Variants in ZNF438 observed in about 807,000 individuals in gnomAD.
ZNF438 encodes zinc finger protein 438.
In ZNF438, 25 loss-of-function variants were observed where a neutral mutation model predicts 38.0. That is an observed-to-expected ratio of 0.66 (90% CI 0.48 to 0.92). The LOEUF (loss-of-function observed/expected upper bound fraction) is 0.92, where lower values mean the gene tolerates loss of function less well. ZNF438 is among the 40% of genes least tolerant of loss of function. ZNF438 has a pLI of 0.00. For missense variants in ZNF438, 1,007 were observed against 999.6 expected, an observed-to-expected ratio of 1.01 and a Z score of -0.10; for synonymous variants, 372 against 364.1, an observed-to-expected ratio of 1.02 and a Z score of -0.25.
intron 1 of ZNF438, among the ~76,000 whole-genome samples, chr10:30,975,801 C>G (rs1219841372): frequency 6.6e-6 from 1 of 152,026 alleles, no homozygotes; most frequent in Non-Finnish European, 1.5e-5. Context: ...TTGATAAATA[C>G]TTGAAAAAGT....
chr10:30,859,217 G>A (rs2035177196), intron 4 of ZNF438, among the ~76,000 whole-genome samples: 1 of 152,104 alleles, frequency 6.6e-6, no homozygotes, highest in Non-Finnish European at 1.5e-5. Context: ...AAGTAGCTGG[G>A]ACTACAGGCG....
rs570496223 is a variant in ZNF438 at position 31,010,203 on chromosome 10, A to T, written c.-192+21630T>A. On this transcript the variant is annotated intron_variant, in intron 1 of 5. Coordinates refer to ENST00000413025, the Ensembl canonical transcript of ZNF438. The stretch of plus-strand genomic sequence containing the variant: ...TACTTTAATGACATTTTTCAAAATT[A>T]AACATGGCTAAAAGAAAAAATACTT... Among the ~76,000 whole-genome samples, 55 of 152,342 alleles carry T rather than the reference A, an allele frequency of 3.6e-4. No homozygotes were observed. The Middle Eastern group carries it at 0.01, about 28-fold the overall frequency.
chr10:30,918,890 T>C (rs1194446787), intron 2 of ZNF438: 1 of 152,220 alleles, frequency 6.6e-6, no homozygotes, highest in East Asian at 1.9e-4. Context: ...TTTTGCTACC[T>C]AACTACTCCA....
chr10:30,909,473 C>T (rs1038288196), intron 2 of ZNF438, among the ~76,000 whole-genome samples: 35 of 152,120 alleles, frequency 2.3e-4, no homozygotes, highest in Non-Finnish European at 4.3e-4. Flanking sequence ...TGAGATTTTA[C>T]CTTCTAAAAT....
exon 6 of ZNF438, chr10:30,844,871 T>G (rs2031503871): frequency 1.4e-6 from 2 of 1,467,638 alleles, no homozygotes; most frequent in South Asian, 1.4e-5. Context: ...TGTTGTTTGA[T>G]CTTTGTGACT....
rs544034734 is a variant in ZNF438 at position 30,972,228 on chromosome 10, C to G, written c.-191-30577G>C. 3.9e-5 allele frequency among the ~76,000 whole-genome samples: 6 copies of G among 152,304 alleles called. No individual in the cohort carries two copies. The East Asian group carries it at 1.2e-3, about 29-fold the overall frequency. On this transcript the variant is annotated intron_variant, in intron 1 of 5. Transcript: ENST00000413025. The stretch of plus-strand genomic sequence containing the variant: ...TCGTGATCCACCTGCCTCGGCCTCC[C>G]AAAGTGCTGGGATTACAAGCGTGAG...
chr10:30,983,005 C>T (rs1319590338), intron 1 of ZNF438, among the ~76,000 whole-genome samples: 1 of 152,172 alleles, frequency 6.6e-6, no homozygotes, highest in Non-Finnish European at 1.5e-5. Flanking sequence ...CTGAACAAAA[C>T]TACACTAACA....
intron 1 of ZNF438, among the ~76,000 whole-genome samples, chr10:30,991,500 A>G (rs1333979965): frequency 6.6e-6 from 1 of 152,200 alleles, no homozygotes; most frequent in African/African-American, 2.4e-5. Flanking sequence ...CATGCTCCCA[A>G]CACCCTTTTA....
intron 1 of ZNF438, among the ~76,000 whole-genome samples, chr10:30,980,907 C>CA (rs1296804371): frequency 1.3e-5 from 2 of 152,216 alleles, no homozygotes; most frequent in Non-Finnish European, 2.9e-5. Context: ...TAATCCTCTT[C>CA]AAAAACCACT....
intron 1 of ZNF438, among the ~76,000 whole-genome samples, chr10:31,013,648 C>CATTA (rs1452120506): frequency 6.6e-6 from 1 of 152,106 alleles, no homozygotes; most frequent in Non-Finnish European, 1.5e-5. Context: ...AGAAACTTCC[C>CATTA]GCTCAAAGCT....
chr10:30,996,077 A>T (rs1199162984), intron 1 of ZNF438, among the ~76,000 whole-genome samples: 4 of 152,194 alleles, frequency 2.6e-5, no homozygotes, highest in Non-Finnish European at 4.4e-5. Flanking sequence ...ACCCTGGAGC[A>T]ACCACTAAGA....
chr10:30,979,270 G>T (rs1280199542), intron 1 of ZNF438, among the ~76,000 whole-genome samples: 1 of 152,204 alleles, frequency 6.6e-6, no homozygotes, highest in African/African-American at 2.4e-5. Context: ...GGAACAAAAA[G>T]TAATTTCAGT....
intron 3 of ZNF438, among the ~76,000 whole-genome samples, chr10:30,888,336 ATAT>A (rs1302315472): frequency 6.6e-5 from 3 of 45,434 alleles, no homozygotes; most frequent in African/African-American, 2.7e-4. Context: ...TAGTTATATA[ATAT>A]TATAAACACA....
exon 6 of ZNF438, chr10:30,845,446 C>T: frequency 6.2e-7 from 1 of 1,614,090 alleles, no homozygotes; most frequent in South Asian, 1.1e-5. Context: ...CCATGAACAT[C>T]AAGTAAATGA....
intron 1 of ZNF438, among the ~76,000 whole-genome samples, chr10:30,955,613 T>C (rs2048778937): frequency 6.6e-6 from 1 of 152,160 alleles, no homozygotes; most frequent in Non-Finnish European, 1.5e-5. Flanking sequence ...TCTTGAATCC[T>C]CCAGAGAATT....
Position 30,845,590 on chromosome 10 carries a change from T to C in ZNF438, c.1875-17A>G. The C allele has an allele frequency of 1.3e-6, 2 of 1,593,918 alleles. No individual in the cohort carries two copies. The highest frequency in any genetic ancestry group is 1.8e-5 in the Admixed American group (1 of 56,854). ...TTGTTTTCCCTGAAAAGGCCAATAATAATGAAGATAAGATTTCATGGAAAA... is the reference window on the plus strand; with the variant it reads ...TTGTTTTCCCTGAAAAGGCCAATAACAATGAAGATAAGATTTCATGGAAAA... On this transcript the variant is annotated splice_polypyrimidine_tract_variant and intron_variant, in intron 5 of 5. Coordinates refer to ENST00000413025, the Ensembl canonical transcript of ZNF438.
At chr10:30,968,167 T>C (rs1414142300) in intron 1 of ZNF438, among the ~76,000 whole-genome samples, 2 of 152,094 alleles carry the variant, frequency 1.3e-5, no homozygotes, top group Non-Finnish European at 2.9e-5. Flanking sequence ...CCAAAGACAC[T>C]TGAAGGATCA....
intron 1 of ZNF438, among the ~76,000 whole-genome samples, chr10:30,952,116 T>A (rs2048282104): frequency 6.6e-6 from 1 of 151,494 alleles, no homozygotes; most frequent in Non-Finnish European, 1.5e-5. Flanking sequence ...AACTATCTGA[T>A]CTTTGACAAA....
At chr10:30,962,948 T>G (rs2049660137) in intron 1 of ZNF438, among the ~76,000 whole-genome samples, 1 of 152,244 alleles carries the variant, frequency 6.6e-6, no homozygotes, top group South Asian at 2.1e-4. Context: ...AGTAGATGTT[T>G]GACTCTAAAA....
Sources: gnomAD v4.1 joint callset for allele counts (sites outside exome capture counted in the v4.1 genomes callset) on GRCh38, gnomAD v4.1.1 for gene constraint, MANE v1.5 for transcripts, NCBI Gene and HGNC (gene_info 2026-07-23, HGNC 2026-07-21) for gene names.